The following CACNA2D2 variants were observed in gnomAD, a reference collection of about 807,000 sequenced individuals.
The protein encoded by CACNA2D2 is voltage-dependent calcium channel subunit alpha-2/delta-2.
Under a neutral mutation model 166.4 loss-of-function variants are expected in CACNA2D2, and 48 were observed. The observed-to-expected ratio is 0.29, with a 90% CI of 0.23 to 0.37. CACNA2D2 has a LOEUF of 0.37. Ranked by LOEUF, CACNA2D2 falls within the 10% of genes least tolerant of loss-of-function variation. The pLI, the probability that CACNA2D2 is intolerant of heterozygous loss-of-function variation, is 1.00. For missense variants in CACNA2D2, 1,122 were observed against 1,433.0 expected, an observed-to-expected ratio of 0.78 and a Z score of 3.50; for synonymous variants, 561 against 573.7, an observed-to-expected ratio of 0.98 and a Z score of 0.32.
intron 2 of CACNA2D2, among the ~76,000 whole-genome samples, chr3:50,455,000 A>G (rs1307529363): frequency 1.3e-5 from 2 of 152,236 alleles, no homozygotes; most frequent in Non-Finnish European, 2.9e-5. Context: ...AGCTGAAAAG[A>G]AAGGCTTCGG....
intron 2 of CACNA2D2, among the ~76,000 whole-genome samples, chr3:50,471,426 G>A (rs1476700675): frequency 4.6e-5 from 7 of 152,150 alleles, no homozygotes; most frequent in Non-Finnish European, 1.0e-4. Flanking sequence ...CTGGCCCTCT[G>A]GGCGCCCCTC....
At chr3:50,453,231 C>T (rs1013633468) in intron 2 of CACNA2D2, among the ~76,000 whole-genome samples, 2 of 152,220 alleles carry the variant, frequency 1.3e-5, no homozygotes, top group African/African-American at 4.8e-5. Flanking sequence ...CCTCTTCCTC[C>T]AGGAAGCCTT....
At chr3:50,370,437 G>C in intron 22 of CACNA2D2, 57 bp from the exon 23 acceptor site, 2 of 540,560 alleles carry the variant, frequency 3.7e-6, no homozygotes, top group Non-Finnish European at 6.8e-6. Context: ...AGGCCGGGGG[G>C]CTCAGAGCTG....
chr3:50,383,300 C>T (rs1412925877), intron 6 of CACNA2D2, among the ~76,000 whole-genome samples: 1 of 152,102 alleles, frequency 6.6e-6, no homozygotes, highest in Non-Finnish European at 1.5e-5. Flanking sequence ...GAGAGGGCCT[C>T]CCTGAGGACC....
chr3:50,455,642 C>T (rs920382159), intron 2 of CACNA2D2, among the ~76,000 whole-genome samples: 2 of 152,134 alleles, frequency 1.3e-5, no homozygotes, highest in East Asian at 1.9e-4. Context: ...GGGAGGCCAG[C>T]GCAACAAGGA....
intron 2 of CACNA2D2, among the ~76,000 whole-genome samples, chr3:50,459,588 C>G (rs1229710671): frequency 6.6e-6 from 1 of 152,150 alleles, no homozygotes; most frequent in South Asian, 2.1e-4. Flanking sequence ...AAAAACTGTC[C>G]CCCAGCAGGG....
intron 16 of CACNA2D2, 83 bp downstream of exon 16, chr3:50,377,649 C>T (rs970735360): frequency 6.4e-7 from 1 of 1,555,826 alleles, no homozygotes; most frequent in Non-Finnish European, 8.8e-7. Context: ...CCTGCCCTGC[C>T]CCTCTTCCAC....
intron 2 of CACNA2D2, among the ~76,000 whole-genome samples, chr3:50,475,270 C>G (rs983791497): frequency 6.6e-6 from 1 of 152,136 alleles, no homozygotes; most frequent in African/African-American, 2.4e-5. Flanking sequence ...AACCCTGGAC[C>G]TGGACTCCTG....
Position 50,363,560 on chromosome 3 carries a change from G to C in CACNA2D2, c.*1106C>G. 1 of 322,690 alleles carries C rather than the reference G, an allele frequency of 3.1e-6. No homozygotes were observed. The highest frequency in any genetic ancestry group is 5.1e-5 in the East Asian group (1 of 19,556). 20.0% of individuals were successfully genotyped at this position (322,690 alleles called of 1,614,324 possible). A position where few individuals can be genotyped will look rare whatever the true frequency, so the allele number is the denominator to read the frequency against. The stretch of plus-strand genomic sequence containing the variant: ...TGTGTGTAGGGGTGGGAAGGAGATA[G>C]GGAGTGGGCACAGGCCTGAGTGTGT... On this transcript the variant is annotated 3_prime_UTR_variant, in exon 38 of 38. Coordinates refer to ENST00000424201, the MANE Select transcript of CACNA2D2 (RefSeq NM_006030.4).
chr3:50,422,726 G>A (rs1485659453), intron 3 of CACNA2D2, among the ~76,000 whole-genome samples: 1 of 152,224 alleles, frequency 6.6e-6, no homozygotes, highest in Admixed American at 6.5e-5. Context: ...CACTGGCAAA[G>A]GCCACAAGGC....
At chr3:50,485,035 C>T (rs1206615750) in intron 1 of CACNA2D2, among the ~76,000 whole-genome samples, 3 of 152,328 alleles carry the variant, frequency 2.0e-5, no homozygotes, top group South Asian at 2.1e-4. Flanking sequence ...ATGATGGGCC[C>T]GCCCAGGCCT....
chr3:50,458,406 C>G (rs1223331793), intron 2 of CACNA2D2, among the ~76,000 whole-genome samples: 1 of 152,236 alleles, frequency 6.6e-6, no homozygotes, highest in African/African-American at 2.4e-5. Context: ...AGTTCTCAAA[C>G]TGTGTTCCCT....
At chr3:50,463,815 C>A (rs1222758841) in intron 2 of CACNA2D2, among the ~76,000 whole-genome samples, 1 of 152,222 alleles carries the variant, frequency 6.6e-6, no homozygotes, top group East Asian at 1.9e-4. Context: ...GAAGGCTGGG[C>A]GTGAGAGAGC....
intron 1 of CACNA2D2, among the ~76,000 whole-genome samples, chr3:50,490,332 G>A (rs973952214): frequency 2.0e-5 from 3 of 152,158 alleles, no homozygotes; most frequent in Non-Finnish European, 2.9e-5. Context: ...TGGGCAGAGG[G>A]TGAGGATCCT....
chr3:50,482,233 G>C (rs1471002469), intron 1 of CACNA2D2, among the ~76,000 whole-genome samples: 1 of 152,152 alleles, frequency 6.6e-6, no homozygotes, highest in African/African-American at 2.4e-5. Flanking sequence ...CCCTCCCCTA[G>C]GCCCTCGCCC....
intron 2 of CACNA2D2, among the ~76,000 whole-genome samples, chr3:50,473,664 G>A (rs1016057544): frequency 1.3e-5 from 2 of 152,222 alleles, no homozygotes; most frequent in Non-Finnish European, 2.9e-5. Context: ...TGCATTTGGA[G>A]AGCAATGGTG....
At position 50,476,192 on chromosome 3, in the gene CACNA2D2, G is replaced by A; in HGVS notation, c.214C>T (p.His72Tyr). Residue 72 changes from histidine to tyrosine, a missense_variant, in exon 2 of 38, where the codon CAC (histidine) becomes TAC (tyrosine). His to Tyr is a moderately conservative substitution (Grantham distance 83). Coordinates refer to ENST00000424201, the MANE Select transcript of CACNA2D2 (RefSeq NM_006030.4). ...YSFPQQHTMQ[H>Y]WARRLEQEVD... Reference sequence around the variant, plus strand: ...TCCTGCTCCAGACGCCGGGCCCAGTGCTGCATCCTGTATGCAGAGAGAGGA... The same window carrying A: ...TCCTGCTCCAGACGCCGGGCCCAGTACTGCATCCTGTATGCAGAGAGAGGA... 6.3e-7 allele frequency: 1 copy of A among 1,589,254 alleles called. No individual in the cohort carries two copies. Among genetic ancestry groups the A allele is most frequent in the Non-Finnish European group, 8.6e-7 (1 of 1,168,770 alleles).
rs587732094 is a variant in CACNA2D2, at chr3:50,362,935, G to A, written c.*1731C>T. ...TTTGTCGCTGTTGTTTTTCCAACTT[G>A]TCTGTACAAAATAGAACAACAAAAA... On this transcript the variant is annotated 3_prime_UTR_variant, in exon 38 of 38. Coordinates refer to ENST00000424201, the MANE Select transcript of CACNA2D2 (RefSeq NM_006030.4). The A allele has an allele frequency of 2.5e-6, 1 of 396,304 alleles. No homozygotes were observed. The highest frequency in any genetic ancestry group is 2.1e-5 in the African/African-American group (1 of 48,620). The allele number at this position is 396,304 out of a possible 1,614,324, so 24.5% of individuals were successfully genotyped here. A position where few individuals can be genotyped will look rare whatever the true frequency, so the allele number is the denominator to read the frequency against.
At chr3:50,475,501 C>T (rs1251367512) in intron 2 of CACNA2D2, among the ~76,000 whole-genome samples, 1 of 152,194 alleles carries the variant, frequency 6.6e-6, no homozygotes, top group East Asian at 1.9e-4. Context: ...AGAGCAATGG[C>T]TCAGGAGCCC....
Sources: allele counts gnomAD v4.1 joint callset (sites outside exome capture counted in the v4.1 genomes callset), GRCh38; gene constraint gnomAD v4.1.1; transcripts MANE v1.5; gene names NCBI Gene and HGNC (gene_info 2026-07-23, HGNC 2026-07-21).